Variants in SERPINB2 observed in about 807,000 individuals in gnomAD.
SERPINB2 encodes the protein plasminogen activator inhibitor 2.
A neutral mutation model predicts 39.4 loss-of-function variants in SERPINB2; 28 were observed. The ratio of observed to expected loss-of-function variants is 0.71; its 90% confidence interval spans 0.53 to 0.97. The LOEUF (loss-of-function observed/expected upper bound fraction) is 0.97. Among genes scored for constraint, SERPINB2 ranks in the 50% least tolerant of loss-of-function variants. SERPINB2 has a pLI of 0.00. For synonymous variants in SERPINB2, 209 were observed against 175.1 expected, an observed-to-expected ratio of 1.19 and a Z score of -1.53; for missense variants, 557 against 505.3, an observed-to-expected ratio of 1.10 and a Z score of -0.98.
At chr18:63,897,545 A>T (rs1916658) in intron 4 of SERPINB2, among the ~76,000 whole-genome samples, 182 bp from the exon 5 acceptor site, 43,472 of 151,822 alleles carry the variant, frequency 0.29, 6,817 homozygotes, top group East Asian at 0.48. Context: ...AGAGTTGGGG[A>T]GTAAGCGTGG....
intron 1 of SERPINB2, among the ~76,000 whole-genome samples, chr18:63,888,650 T>G (rs1005873212): frequency 2.0e-5 from 3 of 152,200 alleles, no homozygotes; most frequent in Admixed American, 6.5e-5. Context: ...TGGTGACTCC[T>G]CCCAAATTCT....
At chr18:63,901,709 G>A in intron 5 of SERPINB2, 31 bp from the exon 6 acceptor site, 4 of 1,464,380 alleles carry the variant, frequency 2.7e-6, no homozygotes, top group South Asian at 3.0e-5. Flanking sequence ...TCTTGATTAT[G>A]AAACCTAAAT....
At position 63,901,896 on chromosome 18, in the gene SERPINB2, A is replaced by G. The variant is rs767079698; in HGVS notation, c.678+14A>G. ...CGTGTAAACTCGGTATGAGACAACA[A>G]AATACATCTTCCTAGCATATATTTT... On this transcript the variant is annotated intron_variant, in intron 6 of 7. Coordinates refer to ENST00000299502, the MANE Select transcript of SERPINB2 (RefSeq NM_002575.3). The G allele has an allele frequency of 1.3e-6, 2 of 1,591,526 alleles. No individual in the cohort carries two copies. The highest frequency in any genetic ancestry group is 2.3e-5 in the South Asian group (2 of 86,020).
Position 63,892,113 on chromosome 18 carries a change from GA to G in SERPINB2, c.168+514del, listed in dbSNP as rs763961993. 9.6e-3 allele frequency among the ~76,000 whole-genome samples: 1,338 copies of G among 139,248 alleles called. 19 individuals are homozygous for G. Among genetic ancestry groups the G allele is most frequent in the African/African-American group, 0.028 (1,053 of 38,162 alleles). 91.4% of individuals were successfully genotyped at this position (139,248 alleles called of 152,430 possible). A position where few individuals can be genotyped will look rare whatever the true frequency, so the allele number is the denominator to read the frequency against. On this transcript the variant is annotated intron_variant, in intron 2 of 7. Coordinates refer to ENST00000299502, the MANE Select transcript of SERPINB2 (RefSeq NM_002575.3). ...TAATGTTAAGAGAGTATCACAAAGG[GA>G]AAAAAAAAAAAACATACCAGGGTGG...
At chr18:63,896,321 C>G (rs868867512) in intron 3 of SERPINB2, among the ~76,000 whole-genome samples, 1 of 152,214 alleles carries the variant, frequency 6.6e-6, no homozygotes, top group Non-Finnish European at 1.5e-5. Context: ...ATGGTGCTTA[C>G]AAACTTCAGT....
At chr18:63,893,119 G>C (rs2049937354) in intron 2 of SERPINB2, among the ~76,000 whole-genome samples, 1 of 152,082 alleles carries the variant, frequency 6.6e-6, no homozygotes, top group South Asian at 2.1e-4. Context: ...TAGTAGAGAT[G>C]GGGTTTCACC....
At chr18:63,892,548 G>C (rs1470639987) in intron 2 of SERPINB2, 1 of 152,122 alleles carries the variant, frequency 6.6e-6, no homozygotes, top group Admixed American at 6.5e-5. Context: ...ATGCTTTAAG[G>C]ACACGCATGC....
chr18:63,902,311 C>T lies in SERPINB2; in HGVS notation c.679-93C>T, dbSNP rs2049996871. The T allele has an allele frequency of 1.7e-5, 20 of 1,147,072 alleles. No individual in the cohort carries two copies. In the South Asian group the frequency reaches 3.8e-4, roughly 22 times the overall value. The allele number at this position is 1,147,072 out of a possible 1,614,324, so 71.1% of individuals were successfully genotyped here. A position where few individuals can be genotyped will look rare whatever the true frequency, so the allele number is the denominator to read the frequency against. ...ATTTAAAAAAATCACATTTATCCTA[C>T]ACTAAAGTAGAACCAATCCTCCTTT... On this transcript the variant is annotated intron_variant, in intron 6 of 7. Transcript: ENST00000299502.
At chr18:63,894,579 G>C (rs773674265) in intron 2 of SERPINB2, among the ~76,000 whole-genome samples, 1 of 152,154 alleles carries the variant, frequency 6.6e-6, no homozygotes, top group Non-Finnish European at 1.5e-5. Context: ...GGCAGACCAA[G>C]GCGGGCAGGC....
Position 63,898,570 on chromosome 18 carries a change from A to G in SERPINB2, c.535+726A>G, listed in dbSNP as rs149266492. ...CACCACACACCATATTCCAGAAACTATATGTGGAGATAAAGATAAAAATGG... is the reference window on the plus strand; with the variant it reads ...CACCACACACCATATTCCAGAAACTGTATGTGGAGATAAAGATAAAAATGG... On this transcript the variant is annotated intron_variant, in intron 5 of 7. Transcript: ENST00000299502. Among the ~76,000 whole-genome samples, 732 of 152,300 alleles carry G rather than the reference A, an allele frequency of 4.8e-3. 7 individuals carry two copies. The highest frequency in any genetic ancestry group is 0.017 in the African/African-American group (708 of 41,548).
intron 5 of SERPINB2, among the ~76,000 whole-genome samples, chr18:63,898,045 AT>A (rs2049971719): frequency 6.6e-6 from 1 of 152,212 alleles, no homozygotes; most frequent in African/African-American, 2.4e-5. Context: ...AATAGAAGAC[AT>A]ATGTTTAGTA....
At chr18:63,894,202 G>A (rs932537543) in intron 2 of SERPINB2, among the ~76,000 whole-genome samples, 6 of 152,120 alleles carry the variant, frequency 3.9e-5, no homozygotes. Flanking sequence ...TGATTTAAGG[G>A]TCAATTTCCT....
chr18:63,901,285 T>C (rs2049989540), intron 5 of SERPINB2, among the ~76,000 whole-genome samples: 1 of 152,154 alleles, frequency 6.6e-6, no homozygotes, highest in African/African-American at 2.4e-5. Flanking sequence ...TACTCTTAAT[T>C]TAGGTCTAGT....
intron 6 of SERPINB2, 115 bp from the exon 7 acceptor site, chr18:63,902,289 T>TA (rs1409953567): frequency 5.3e-6 from 5 of 934,938 alleles, no homozygotes; most frequent in African/African-American, 1.7e-5. Flanking sequence ...TTTGTTGATT[T>TA]AAAAAAATCA....
At chr18:63,899,843 T>A (rs2049981655) in intron 5 of SERPINB2, among the ~76,000 whole-genome samples, 1 of 152,210 alleles carries the variant, frequency 6.6e-6, no homozygotes, top group African/African-American at 2.4e-5. Context: ...AAAATGCACA[T>A]AAACTAAGTG....
intron 2 of SERPINB2, 117 bp from the exon 3 acceptor site, chr18:63,895,147 T>G: frequency 8.6e-7 from 1 of 1,157,810 alleles, no homozygotes; most frequent in Non-Finnish European, 1.2e-6. Flanking sequence ...TTGTTCCCCA[T>G]GTATAAGGGA....
chr18:63,897,949 C>A, intron 5 of SERPINB2, 105 bp downstream of exon 5: 1 of 739,160 alleles, frequency 1.4e-6, no homozygotes, highest in Non-Finnish European at 2.3e-6. Context: ...TACAATTTGT[C>A]CAACTGCAGT....
At chr18:63,892,060 C>A (rs1013307069) in intron 2 of SERPINB2, among the ~76,000 whole-genome samples, 4 of 151,810 alleles carry the variant, frequency 2.6e-5, no homozygotes, top group Admixed American at 1.3e-4. Flanking sequence ...GGTGTTTGTT[C>A]CCTATTCCTA....
intron 2 of SERPINB2, chr18:63,892,847 T>A (rs1008467689): frequency 6.6e-6 from 1 of 152,240 alleles, no homozygotes; most frequent in Non-Finnish European, 1.5e-5. Flanking sequence ...TCTTTCCCCA[T>A]TATTTTTTAT....
Sources: allele counts gnomAD v4.1 joint callset (sites outside exome capture counted in the v4.1 genomes callset), GRCh38; gene constraint gnomAD v4.1.1; transcripts MANE v1.5; gene names NCBI Gene and HGNC (gene_info 2026-07-23, HGNC 2026-07-21).